Variants in RGL3 observed in about 807,000 individuals in gnomAD.
RGL3 encodes the protein ral guanine nucleotide dissociation stimulator like 3.
In RGL3, 85 loss-of-function variants were observed where a neutral mutation model predicts 90.6. The ratio of observed to expected loss-of-function variants is 0.94; its 90% CI spans 0.79 to 1.12. The LOEUF (loss-of-function observed/expected upper bound fraction) is 1.12. Among genes scored for constraint, RGL3 ranks in the 50% most tolerant of loss-of-function variants. The pLI is 0.00. For missense variants in RGL3, 1,034 were observed against 939.2 expected (o/e 1.10, Z -1.32); for synonymous variants, 408 against 385.5 (o/e 1.06, Z -0.68).
intron 2 of RGL3, among the ~76,000 whole-genome samples, chr19:11,417,816 G>A (rs2144745472): frequency 6.6e-6 from 1 of 152,024 alleles, no homozygotes; most frequent in African/African-American, 2.4e-5. Context: ...CGGCTTCTTG[G>A]AGTTATTGTT....
intron 1 of RGL3, 36 bp downstream of exon 1, chr19:11,419,210 A>G: frequency 6.3e-7 from 1 of 1,583,134 alleles, no homozygotes; most frequent in African/African-American, 1.4e-5. Flanking sequence ...GCGGGTCACC[A>G]GGGATGCGGG....
rs778864197 is a variant in RGL3 at position 11,402,560 on chromosome 19, C to A, written c.1243-19G>T. ...GTGGTTTCTGCAGCCCCCAAAGCTCCAGTCACTTGGGGCCATTACTGACCC... is the reference window on the plus strand; with the variant it reads ...GTGGTTTCTGCAGCCCCCAAAGCTCAAGTCACTTGGGGCCATTACTGACCC... On this transcript the variant is annotated intron_variant, in intron 10 of 18. Transcript: ENST00000380456. The A allele has an allele frequency of 6.2e-7, 1 of 1,605,578 alleles. No individual in the cohort carries two copies. The highest frequency in any genetic ancestry group is 1.3e-5 in the African/African-American group (1 of 74,216).
In RGL3 at chr19:11,412,742, G is replaced by A. The variant is rs528268343; in HGVS notation, c.637+3195C>T. Among the ~76,000 whole-genome samples, 26 of 152,130 alleles carry A rather than the reference G, an allele frequency of 1.7e-4. 1 individual carries two copies. The highest frequency in any genetic ancestry group is 7.2e-4 in the Admixed American group (11 of 15,250). On this transcript the variant is annotated intron_variant, in intron 5 of 18. Transcript: ENST00000380456. ...AGCACTTTGGGAGACCGAGGCAAGCGGATCACGAGATCAGGAGATCGAGAC... is the reference window on the plus strand; with the variant it reads ...AGCACTTTGGGAGACCGAGGCAAGCAGATCACGAGATCAGGAGATCGAGAC...
At chr19:11,416,500 G>A in intron 4 of RGL3, 114 bp downstream of exon 4, 1 of 1,033,996 alleles carries the variant, frequency 9.7e-7, no homozygotes, top group Non-Finnish European at 1.5e-6. Context: ...CGCCCCACCT[G>A]ACTCCCAGTC....
chr19:11,397,836 C>T lies in RGL3; in HGVS notation c.1747-239G>A, dbSNP rs1968605229. The stretch of plus-strand genomic sequence containing the variant: ...CCAGCCTGGCCAACGTGGTGAAACT[C>T]CGTCTCTACTAAAAATACAAAAATT... On this transcript the variant is annotated intron_variant, in intron 16 of 18. Transcript: ENST00000380456. 9.4e-6 allele frequency: 3 copies of T among 318,906 alleles called. No individual in the cohort carries two copies. In the Admixed American group the frequency reaches 1.4e-4, roughly 15 times the overall value. The allele number at this position is 318,906 out of a possible 1,614,324, so 19.8% of individuals were successfully genotyped here. A position where few individuals can be genotyped will look rare whatever the true frequency, so the allele number is the denominator to read the frequency against.
chr19:11,411,313 A>G (rs1032332518), intron 5 of RGL3: 1 of 151,890 alleles, frequency 6.6e-6, no homozygotes, highest in Non-Finnish European at 1.5e-5. Context: ...CCCCAGCTCT[A>G]TCGCCTGGAG....
rs1413150048 is a variant in RGL3 at position 11,405,444 on chromosome 19, C to T, written c.997-18G>A. On this transcript the variant is annotated intron_variant, in intron 7 of 18. Coordinates refer to ENST00000380456, the MANE Select transcript of RGL3 (RefSeq NM_001035223.4). ...CGGCAGCGCTGCCAGGCGGTGGGGACGCAGGTCAGACCCAGGCATTATCCA... is the reference window on the plus strand; with the variant it reads ...CGGCAGCGCTGCCAGGCGGTGGGGATGCAGGTCAGACCCAGGCATTATCCA... 3.7e-6 allele frequency: 5 copies of T among 1,360,200 alleles called. No individual in the cohort carries two copies. Among genetic ancestry groups the T allele is most frequent in the South Asian group, 2.4e-5 (2 of 83,516 alleles). The allele number at this position is 1,360,200 out of a possible 1,614,324, so 84.3% of individuals were successfully genotyped here. A position where few individuals can be genotyped will look rare whatever the true frequency, so the allele number is the denominator to read the frequency against.
At position 11,416,312 on chromosome 19, in the gene RGL3, G is replaced by A. The variant is rs569053454; in HGVS notation, c.426-164C>T. 3.9e-5 allele frequency: 25 copies of A among 633,504 alleles called. No individual in the cohort carries two copies. The Admixed American group carries it at 4.2e-4, about 11-fold the overall frequency. 39.2% of individuals were successfully genotyped at this position (633,504 alleles called of 1,614,324 possible). A position where few individuals can be genotyped will look rare whatever the true frequency, so the allele number is the denominator to read the frequency against. On this transcript the variant is annotated intron_variant, in intron 4 of 18. Coordinates refer to ENST00000380456, the MANE Select transcript of RGL3 (RefSeq NM_001035223.4). ...TGACTCACTGCAACCTCAGCCTCCC[G>A]AGTAGCTGGGACTACAGGCATGCGC... is the stretch of plus-strand genomic sequence containing the variant.
chr19:11,402,474 G>T lies in RGL3; in HGVS notation c.1310C>A (p.Ala437Asp). 1 of 1,603,758 alleles carries T rather than the reference G, an allele frequency of 6.2e-7. No individual in the cohort carries two copies. The highest frequency in any genetic ancestry group is 8.5e-7 in the Non-Finnish European group (1 of 1,175,842). Reference sequence around the variant, plus strand: ...TCAGACCTCCAACATATCCGGCAGGGCTGTGTCCAGCATAACCAGGTCCGT... The same window carrying T: ...TCAGACCTCCAACATATCCGGCAGGTCTGTGTCCAGCATAACCAGGTCCGT... The part of the protein sequence containing the change: ...FLTDLVMLDT[A>D]LPDMLEGDLI... Residue 437 changes from alanine to aspartate, a missense_variant, in exon 11 of 19, where the codon GCC becomes GAC. By Grantham distance (126) the Ala-to-Asp change is moderately radical. Transcript: ENST00000380456.
chr19:11,416,141 C>G lies in RGL3; in HGVS notation c.433G>C (p.Val145Leu). The G allele has an allele frequency of 1.9e-6, 3 of 1,563,566 alleles. No homozygotes were observed. The highest frequency in any genetic ancestry group is 2.6e-6 in the Non-Finnish European group (3 of 1,157,416). The stretch of plus-strand genomic sequence containing the variant: ...TGCAGCCAGGAGCCCAGCACTGACA[C>G]CACAGCCCTGGCCAGAGAGGCAGGG... ...LSFNKNLRAV[V>L]SVLGSWLQDH... Residue 145 changes from valine (V) to leucine (L), a missense_variant, in exon 5 of 19, where the codon GTG becomes CTG. By Grantham distance (32) the Val-to-Leu change is conservative. Coordinates refer to ENST00000380456, the MANE Select transcript of RGL3 (RefSeq NM_001035223.4).
intron 3 of RGL3, 58 bp from the exon 4 acceptor site, chr19:11,416,725 A>T (rs1969005803): frequency 6.3e-7 from 1 of 1,598,256 alleles, no homozygotes; most frequent in Non-Finnish European, 8.6e-7. Flanking sequence ...GCTTAGGAAG[A>T]GGGCTCTGGG....
chr19:11,417,655 A>G (rs1210515448), intron 2 of RGL3, among the ~76,000 whole-genome samples: 1 of 151,524 alleles, frequency 6.6e-6, no homozygotes, highest in Non-Finnish European at 1.5e-5. Flanking sequence ...TATTTTTAGT[A>G]GAGACGGTGT....
chr19:11,416,802 G>T (rs1443369863), intron 3 of RGL3, 34 bp downstream of exon 3: 4 of 1,610,250 alleles, frequency 2.5e-6, no homozygotes, highest in Non-Finnish European at 3.4e-6. Flanking sequence ...GGGTTCTAGG[G>T]TGGAGAATAC....
chr19:11,406,719 C>T lies in RGL3; in HGVS notation c.780+3G>A, dbSNP rs768066785. 1.2e-6 allele frequency: 2 copies of T among 1,613,812 alleles called. No homozygotes were observed. The highest frequency in any genetic ancestry group is 1.7e-6 in the Non-Finnish European group (2 of 1,179,948). On this transcript the variant is annotated splice_donor_region_variant and intron_variant, in intron 6 of 18. Transcript: ENST00000380456. ...TCATCCCGACCCTGTCCGGGATCCT[C>T]ACCAAGTCTATGAGGGTCAGCTGCT...
chr19:11,405,494 C>CTTTTTTTTTTTTTTTTTTTTT (rs771398199), intron 7 of RGL3, 68 bp from the exon 8 acceptor site: 3 of 164,002 alleles, frequency 1.8e-5, no homozygotes, highest in Non-Finnish European at 2.4e-5. Context: ...ACTTCTTCAT[C>CTTTTTTTTTTTTTTTTTTTTT]TTTTTTTTTT....
intron 16 of RGL3, among the ~76,000 whole-genome samples, chr19:11,398,348 C>G (rs1281202655): frequency 6.6e-6 from 1 of 151,950 alleles, no homozygotes; most frequent in East Asian, 1.9e-4. Flanking sequence ...TTTTCTTTTT[C>G]TTTTCTTTTT....
chr19:11,414,723 C>G (rs958507913), intron 5 of RGL3, among the ~76,000 whole-genome samples: 8 of 151,064 alleles, frequency 5.3e-5, no homozygotes, highest in Non-Finnish European at 7.4e-5. Flanking sequence ...AAGCAGGATG[C>G]AATTATTCAG....
chr19:11,404,496 C>T (rs1234626569), intron 9 of RGL3, among the ~76,000 whole-genome samples: 4 of 152,170 alleles, frequency 2.6e-5, no homozygotes, highest in African/African-American at 9.7e-5. Flanking sequence ...CACTGCACTC[C>T]AGTCTGGGTG....
rs531573529 is a variant in RGL3, at chr19:11,394,812, G to A, written c.2015-292C>T. 893 of 335,594 alleles carry A rather than the reference G, an allele frequency of 2.7e-3. 3 individuals carry two copies. Among genetic ancestry groups the A allele is most frequent in the Admixed American group, 7.1e-3 (167 of 23,666 alleles). 20.8% of individuals were successfully genotyped at this position (335,594 alleles called of 1,614,324 possible). On this transcript the variant is annotated intron_variant, in intron 18 of 18. Transcript: ENST00000380456. The stretch of plus-strand genomic sequence containing the variant: ...CAGTAAAAGTTTGAGCAAACTGGCC[G>A]GGCGCGATGCCTCGTGCCTGTAATC...
Sources: allele counts gnomAD v4.1 joint callset (sites outside exome capture counted in the v4.1 genomes callset), GRCh38; gene constraint gnomAD v4.1.1; transcripts MANE v1.5; gene names NCBI Gene and HGNC (gene_info 2026-07-23, HGNC 2026-07-21).